ALDH6A1: variants seen among roughly 807,000 people sequenced by gnomAD.
ALDH6A1 encodes aldehyde dehydrogenase 6 family member A1.
Under a neutral mutation model 62.6 loss-of-function variants are expected in ALDH6A1, and 43 were observed. The ratio of observed to expected loss-of-function variants is 0.69; its 90% CI spans 0.54 to 0.89. The LOEUF is 0.89. Ranked by LOEUF, ALDH6A1 falls within the 40% of genes least tolerant of loss-of-function variation. The probability of loss-of-function intolerance (pLI) is 0.00; values close to 1 mark genes in which losing one functional copy is unlikely to be tolerated. For missense variants in ALDH6A1, 551 were observed against 661.3 expected (o/e 0.83, Z 1.83); for synonymous variants, 194 against 234.2 (o/e 0.83, Z 1.57).
chr14:74,069,484 C>T (rs1038852874), intron 6 of ALDH6A1, among the ~76,000 whole-genome samples: 14 of 151,924 alleles, frequency 9.2e-5, no homozygotes, highest in Non-Finnish European at 1.9e-4. Context: ...GACACGGTGG[C>T]GCATGCCTGT....
chr14:74,073,760 A>G (rs748503776), intron 2 of ALDH6A1, among the ~76,000 whole-genome samples: 3 of 151,818 alleles, frequency 2.0e-5, no homozygotes, highest in Non-Finnish European at 2.9e-5. Context: ...TCTACTAAAA[A>G]CACAAAAATC....
intron 1 of ALDH6A1, among the ~76,000 whole-genome samples, chr14:74,075,563 G>A (rs1171397214): frequency 1.3e-5 from 2 of 151,970 alleles, no homozygotes; most frequent in African/African-American, 4.8e-5. Context: ...AGGCCAAGGT[G>A]GGAGGATTGC....
chr14:74,063,184 ATTC>A (rs1036305522), intron 11 of ALDH6A1, among the ~76,000 whole-genome samples: 4 of 147,430 alleles, frequency 2.7e-5, no homozygotes, highest in East Asian at 2.0e-4. Context: ...AATAGTAATA[ATTC>A]TTCTTTTTTT....
At chr14:74,082,009 C>A (rs1057013395) in intron 1 of ALDH6A1, among the ~76,000 whole-genome samples, 1 of 152,144 alleles carries the variant, frequency 6.6e-6, no homozygotes, top group Non-Finnish European at 1.5e-5. Context: ...GAGTTCAAGA[C>A]CAGCCTGGGC....
intron 1 of ALDH6A1, among the ~76,000 whole-genome samples, chr14:74,080,743 TACTCTTAA>T (rs1450818109): frequency 6.6e-6 from 1 of 152,212 alleles, no homozygotes; most frequent in East Asian, 1.9e-4. Flanking sequence ...ACACCCAGCC[TACTCTTAA>T]ACTTTCTGAA....
rs148315943 is a variant in ALDH6A1, at chr14:74,062,333, G to A, written c.1504-1587C>T. Among the ~76,000 whole-genome samples the A allele has an allele frequency of 6.4e-3, 971 of 152,120 alleles. 7 individuals are homozygous for A. Among genetic ancestry groups the A allele is most frequent in the African/African-American group, 0.023 (940 of 41,506 alleles). The stretch of plus-strand genomic sequence containing the variant: ...AAGCTGTGACTAGGCCGGGTGCGGT[G>A]ACTCACTCCTGTAATCCCAGCACTT... On this transcript the variant is annotated intron_variant, in intron 11 of 11. Coordinates refer to ENST00000553458, the MANE Select transcript of ALDH6A1 (RefSeq NM_005589.4).
At chr14:74,066,146 C>A (rs2060460489) in intron 9 of ALDH6A1, 1 of 160,562 alleles carries the variant, frequency 6.2e-6, no homozygotes, top group African/African-American at 2.4e-5. Context: ...GATTGAGACA[C>A]TGCAGTAGCC....
At chr14:74,067,711 G>A (rs1046866302) in intron 7 of ALDH6A1, 142 bp from the exon 8 acceptor site, 3 of 896,150 alleles carry the variant, frequency 3.3e-6, no homozygotes, top group Non-Finnish European at 5.3e-6. Context: ...ATAACTTGAG[G>A]TCAGGAGTTC....
rs147813764 is a variant in ALDH6A1, at chr14:74,066,875, C to T, written c.1054G>A (p.Gly352Arg). The T allele has an allele frequency of 1.2e-6, 2 of 1,613,274 alleles. No homozygotes were observed. The highest frequency in any genetic ancestry group is 1.1e-5 in the South Asian group (1 of 91,072). ...NLRVNAGDQPGADLGPLITPQ... is the reference protein window; with the variant it reads ...NLRVNAGDQPRADLGPLITPQ... The stretch of plus-strand genomic sequence containing the variant: ...GTGATCAGAGGGCCAAGATCAGCTC[C>T]AGGCTGATCTCCTGTAAAACAACAC... The change falls in exon 9 of 12, where the codon GGA becomes AGA. Residue 352 changes from glycine to arginine, a missense_variant. By Grantham distance (125) the Gly-to-Arg change is moderately radical. Transcript: ENST00000553458.
At chr14:74,065,014 CT>C (rs1364568627) in intron 10 of ALDH6A1, 94 bp from the exon 11 acceptor site, 27 of 1,378,936 alleles carry the variant, frequency 2.0e-5, no homozygotes, top group Non-Finnish European at 2.7e-5. Context: ...AAATACCCAC[CT>C]TCTACCCTAT....
chr14:74,078,138 C>T (rs1433908715), intron 1 of ALDH6A1: 3 of 449,866 alleles, frequency 6.7e-6, no homozygotes, highest in Non-Finnish European at 1.3e-5. Context: ...CTTAAAACTC[C>T]CAATTCTACT....
chr14:74,057,642 A>G lies in ALDH6A1; in HGVS notation c.*3000T>C. On this transcript the variant is annotated 3_prime_UTR_variant, in exon 12 of 12. Transcript: ENST00000553458. ...GACAAAGGCTTATAAGGAGATATGA[A>G]ATGATTTTTTTAAGCCAAGTTTTTC... The G allele has an allele frequency of 7.5e-7, 1 of 1,333,212 alleles. No homozygotes were observed. Among genetic ancestry groups the G allele is most frequent in the South Asian group, 1.2e-5 (1 of 80,016 alleles). The allele number at this position is 1,333,212 out of a possible 1,614,324, so 82.6% of individuals were successfully genotyped here. A position where few individuals can be genotyped will look rare whatever the true frequency, so the allele number is the denominator to read the frequency against.
intron 6 of ALDH6A1, chr14:74,070,630 A>C (rs1428806278): frequency 6.3e-6 from 1 of 159,754 alleles, no homozygotes; most frequent in African/African-American, 2.4e-5. Flanking sequence ...AGCAAAAATC[A>C]GAGTCAGCCT....
At chr14:74,078,476 C>T in intron 1 of ALDH6A1, 1 of 263,362 alleles carries the variant, frequency 3.8e-6, no homozygotes, top group Non-Finnish European at 7.6e-6. Context: ...GCCTCAGCCT[C>T]CCAAATAGCT....
chr14:74,068,825 A>C, intron 7 of ALDH6A1, 35 bp downstream of exon 7: 1 of 1,612,484 alleles, frequency 6.2e-7, no homozygotes, highest in African/African-American at 1.3e-5. Context: ...TCATATATAG[A>C]ACAAAGATTG....
chr14:74,079,330 T>C (rs944520496), intron 1 of ALDH6A1, among the ~76,000 whole-genome samples: 2 of 151,710 alleles, frequency 1.3e-5, no homozygotes, highest in Admixed American at 6.6e-5. Context: ...CACTGCAACC[T>C]CCACCTCCCG....
chr14:74,083,378 A>C (rs1005644145), intron 1 of ALDH6A1, among the ~76,000 whole-genome samples: 7 of 152,138 alleles, frequency 4.6e-5, no homozygotes, highest in African/African-American at 1.7e-4. Context: ...TGAACAGGGG[A>C]AAGACTATAA....
intron 2 of ALDH6A1, among the ~76,000 whole-genome samples, chr14:74,074,402 T>A (rs971290610): frequency 1.3e-5 from 2 of 151,760 alleles, no homozygotes; most frequent in African/African-American, 4.8e-5. Context: ...TTCTCCTGCC[T>A]CAGCCCGCAG....
chr14:74,067,535 G>T lies in ALDH6A1; in HGVS notation c.887C>A (p.Ala296Asp). Residue 296 changes from alanine (A) to aspartate (D), a missense_variant, in exon 8 of 12, where the codon GCC (alanine) becomes GAC (aspartate). Coordinates refer to ENST00000553458, the MANE Select transcript of ALDH6A1 (RefSeq NM_005589.4). The stretch of plus-strand genomic sequence containing the variant: ...CTGGTTCAGGGTATTTTCCTTATTG[G>T]CATCTGGCATGACTACCCCATGGTT... ...AKNHGVVMPD[A>D]NKENTLNQLV... The T allele has an allele frequency of 1.9e-6, 3 of 1,614,084 alleles. No homozygotes were observed. The East Asian group carries it at 6.7e-5, about 36-fold the overall frequency.
Sources: gnomAD v4.1 joint callset for allele counts (sites outside exome capture counted in the v4.1 genomes callset) on GRCh38, gnomAD v4.1.1 for gene constraint, MANE v1.5 for transcripts, NCBI Gene and HGNC (gene_info 2026-07-23, HGNC 2026-07-21) for gene names.